Variants in FGD4 observed in about 807,000 individuals in gnomAD.
The protein encoded by FGD4 is FYVE, RhoGEF and PH domain-containing protein 4.
A neutral mutation model predicts 102.0 loss-of-function variants in FGD4; 42 were observed. The ratio of observed to expected loss-of-function variants is 0.41; its 90% confidence interval spans 0.32 to 0.53. The LOEUF (loss-of-function observed/expected upper bound fraction) is 0.53, where lower values mean the gene tolerates loss of function less well. Ranked by LOEUF, FGD4 falls within the 20% of genes least tolerant of loss-of-function variation. FGD4 has a pLI of 0.21. For missense variants in FGD4, 902 were observed against 1,078.2 expected, an observed-to-expected ratio of 0.84 and a Z score of 2.29; for synonymous variants, 380 against 375.7, an observed-to-expected ratio of 1.01 and a Z score of -0.13.
intron 3 of FGD4, among the ~76,000 whole-genome samples, chr12:32,580,802 G>A (rs567063219): frequency 6.6e-6 from 1 of 151,720 alleles, no homozygotes; most frequent in South Asian, 2.1e-4. Flanking sequence ...CAGGAGAATG[G>A]TGTGAACCCG....
At position 32,479,786 on chromosome 12, in the gene FGD4, C is replaced by CTT. The variant is rs559968024; in HGVS notation, c.166+79846_166+79847dup. Among the ~76,000 whole-genome samples, 274 of 106,572 alleles carry CTT rather than the reference C, an allele frequency of 2.6e-3. 8 individuals carry two copies. Among genetic ancestry groups the CTT allele is most frequent in the Admixed American group, 3.9e-3 (34 of 8,802 alleles). The allele number at this position is 106,572 out of a possible 152,430, so 69.9% of individuals were successfully genotyped here. On this transcript the variant is annotated intron_variant, in intron 1 of 16. Transcript: ENST00000534526. The stretch of plus-strand genomic sequence containing the variant: ...GCAGAAAAATTTATAAAGCATTATT[C>CTT]TTTTTTTTTTTTTTTTTTTTGAGAT...
intron 1 of FGD4, among the ~76,000 whole-genome samples, chr12:32,439,602 T>C (rs772507406): frequency 2.2e-4 from 33 of 152,234 alleles, no homozygotes; most frequent in Non-Finnish European, 1.2e-4. Flanking sequence ...AGATTTCCTT[T>C]TTCTCTTTGT....
At chr12:32,582,742 A>G (rs1452663588) in intron 4 of FGD4, 4 of 459,512 alleles carry the variant, frequency 8.7e-6, no homozygotes, top group Admixed American at 7.5e-5. Context: ...CCACAAATGT[A>G]TTGTTTTTAC....
chr12:32,607,827 T>A, intron 7 of FGD4, 130 bp from the exon 8 acceptor site: 1 of 953,600 alleles, frequency 1.0e-6, no homozygotes, highest in Non-Finnish European at 1.6e-6. Context: ...AATCTGCATT[T>A]CATGCAGGTG....
intron 1 of FGD4, among the ~76,000 whole-genome samples, chr12:32,543,664 T>TTGC (rs1216464730): frequency 6.6e-6 from 1 of 152,156 alleles, no homozygotes; most frequent in African/African-American, 2.4e-5. Context: ...TCTCACTGTG[T>TTGC]TGCCCAGGCT....
intron 1 of FGD4, among the ~76,000 whole-genome samples, chr12:32,538,743 A>G (rs1942530763): frequency 6.6e-6 from 1 of 152,180 alleles, no homozygotes; most frequent in African/African-American, 2.4e-5. Context: ...AATTGTGGCC[A>G]AGATTTTTTG....
At chr12:32,435,326 C>G (rs1184967728) in intron 1 of FGD4, among the ~76,000 whole-genome samples, 1 of 152,170 alleles carries the variant, frequency 6.6e-6, no homozygotes. Context: ...CAAATGCTGC[C>G]TCTGCTAATT....
chr12:32,449,064 C>T (rs546564306), intron 1 of FGD4, among the ~76,000 whole-genome samples: 12 of 152,192 alleles, frequency 7.9e-5, no homozygotes, highest in East Asian at 3.9e-4. Flanking sequence ...GGTAATTACA[C>T]GAGATGTGGT....
intron 10 of FGD4, among the ~76,000 whole-genome samples, chr12:32,615,603 T>G (rs909664413): frequency 6.6e-6 from 1 of 151,722 alleles, no homozygotes; most frequent in Non-Finnish European, 1.5e-5. Flanking sequence ...TCTTCAGAGG[T>G]CTATTATAAA....
intron 11 of FGD4, among the ~76,000 whole-genome samples, chr12:32,623,116 G>C (rs1949944854): frequency 6.6e-6 from 1 of 151,960 alleles, no homozygotes; most frequent in Non-Finnish European, 1.5e-5. Flanking sequence ...CTTTCAAAAA[G>C]ATAAAAAGTA....
intron 5 of FGD4, chr12:32,600,510 G>A: frequency 8.1e-7 from 1 of 1,227,540 alleles, no homozygotes; most frequent in Non-Finnish European, 1.0e-6. Flanking sequence ...CAATTAAGAG[G>A]TATAGTAGCC....
intron 1 of FGD4, chr12:32,501,981 C>G (rs1016173200): frequency 1.0e-6 from 1 of 967,526 alleles, no homozygotes; most frequent in African/African-American, 1.8e-5. Flanking sequence ...CAAACACCTG[C>G]TAGGCAAGCC....
intron 1 of FGD4, among the ~76,000 whole-genome samples, chr12:32,477,104 A>T (rs879566938): frequency 6.6e-6 from 1 of 152,210 alleles, no homozygotes; most frequent in Non-Finnish European, 1.5e-5. Context: ...CCTGGCCAAC[A>T]TGGCGAAACC....
chr12:32,410,287 C>T (rs1941146631), intron 1 of FGD4, among the ~76,000 whole-genome samples: 1 of 151,572 alleles, frequency 6.6e-6, no homozygotes, highest in Admixed American at 6.6e-5. Flanking sequence ...GAGATTGTGC[C>T]ACTGCACTCC....
At chr12:32,622,241 A>G (rs1217298399) in intron 11 of FGD4, among the ~76,000 whole-genome samples, 2 of 152,200 alleles carry the variant, frequency 1.3e-5, no homozygotes, top group Non-Finnish European at 2.9e-5. Context: ...AGGCGTTGCT[A>G]ACTCTGAAAC....
In FGD4 at chr12:32,638,694, A is replaced by G. The variant is rs1313488040; in HGVS notation, c.2353A>G (p.Ser785Gly). ...AEVSGNSVVC[S>G]FLQYMEKSKP... ...AGTATCTGGAAACAGTGTGGTGTGC[A>G]GCTTTCTTCAGTATATGGAGAAGTC... The change falls in exon 16 of 17, where the codon AGC (serine) becomes GGC (glycine). Residue 785 changes from serine to glycine, a missense_variant. Around this residue, in one of 2 missense-constraint regions of FGD4, gnomAD observed 459 missense variants for 619.0 expected, o/e 0.74. Coordinates refer to ENST00000534526, the MANE Select transcript of FGD4 (RefSeq NM_001370298.3). The G allele has an allele frequency of 2.5e-6, 4 of 1,614,202 alleles. No homozygotes were observed. The highest frequency in any genetic ancestry group is 2.2e-5 in the South Asian group (2 of 91,088).
intron 1 of FGD4, among the ~76,000 whole-genome samples, chr12:32,509,966 G>A (rs1276220944): frequency 6.6e-6 from 1 of 152,328 alleles, no homozygotes; most frequent in South Asian, 2.1e-4. Context: ...AGATGTCCTG[G>A]AGAGACTCCA....
intron 1 of FGD4, among the ~76,000 whole-genome samples, chr12:32,542,786 A>T (rs916979339): frequency 8.5e-5 from 13 of 152,214 alleles, no homozygotes; most frequent in African/African-American, 3.1e-4. Flanking sequence ...GGAGCTTTTC[A>T]TGCCCTCTGT....
At chr12:32,504,710 A>G (rs919657881) in intron 1 of FGD4, among the ~76,000 whole-genome samples, 1 of 152,186 alleles carries the variant, frequency 6.6e-6, no homozygotes, top group African/African-American at 2.4e-5. Flanking sequence ...TTCATGTAAA[A>G]GGATTATGTA....
Sources: allele counts gnomAD v4.1 joint callset (sites outside exome capture counted in the v4.1 genomes callset), GRCh38; gene constraint gnomAD v4.1.1; regional missense constraint gnomAD v4.1.1; transcripts MANE v1.5; gene names NCBI Gene and HGNC (gene_info 2026-07-23, HGNC 2026-07-21).